Variants in SZRD1 observed in about 807,000 individuals in gnomAD.
The protein encoded by SZRD1 is SUZ RNA-binding domain-containing.
In SZRD1, 7 loss-of-function variants were observed where a neutral mutation model predicts 17.6. That is an observed-to-expected ratio of 0.40 (90% CI 0.23 to 0.75). The LOEUF (loss-of-function observed/expected upper bound fraction) is 0.75, where lower values mean the gene tolerates loss of function less well. Among genes scored for constraint, SZRD1 ranks in the 30% least tolerant of loss-of-function variants. SZRD1 has a pLI of 0.38. For synonymous variants in SZRD1, 77 were observed against 77.9 expected, an observed-to-expected ratio of 0.99 and a Z score of 0.06; for missense variants, 178 against 201.8, an observed-to-expected ratio of 0.88 and a Z score of 0.71.
Position 16,393,051 on chromosome 1 carries a change from T to G in SZRD1, c.102-177T>G, listed in dbSNP as rs1025858372. Among the ~76,000 whole-genome samples the G allele has an allele frequency of 1.3e-5, 2 of 152,140 alleles. No individual in the cohort carries two copies. The highest frequency in any genetic ancestry group is 4.8e-5 in the African/African-American group (2 of 41,428). On this transcript the variant is annotated intron_variant, in intron 2 of 3. Coordinates refer to ENST00000401088, the MANE Select transcript of SZRD1 (RefSeq NM_001114600.3). The surrounding 1 kb of genome is among the most constrained non-coding windows in gnomAD (Gnocchi z 5.6). ...CTGTCAGAGCTGGTCGCAAGCTTAC[T>G]TTTTTGGGACACCCTTCTTGAGGAG... is the stretch of plus-strand genomic sequence containing the variant.
At chr1:16,383,708 C>G (rs1326765530) in intron 1 of SZRD1, among the ~76,000 whole-genome samples, 1 of 150,042 alleles carries the variant, frequency 6.7e-6, no homozygotes, top group African/African-American at 2.5e-5. Flanking sequence ...CAACCTCTGC[C>G]TCCTGGGTTC....
At chr1:16,369,351 C>A in intron 1 of SZRD1, 1 of 836,134 alleles carries the variant, frequency 1.2e-6, no homozygotes. Context: ...CAATGGTCGC[C>A]ATCCCTCCAC....
rs896056565 is a variant in SZRD1 at position 16,385,592 on chromosome 1, A to C, written c.52-5783A>C. Among the ~76,000 whole-genome samples the C allele has an allele frequency of 3.3e-5, 5 of 152,096 alleles. 1 individual carries two copies. The highest frequency in any genetic ancestry group is 4.1e-4 in the South Asian group (2 of 4,822). On this transcript the variant is annotated intron_variant, in intron 1 of 3. Coordinates refer to ENST00000401088, the MANE Select transcript of SZRD1 (RefSeq NM_001114600.3). ...GTTACAGGAGTAAACCTACCACTGT[A>C]ATCTGCTTCACCTTACAGACACATC...
intron 1 of SZRD1, chr1:16,369,485 T>G: frequency 1.0e-6 from 1 of 974,880 alleles, no homozygotes; most frequent in Non-Finnish European, 1.6e-6. Flanking sequence ...AGAACCTGCT[T>G]CTTTTTTTTG....
intron 1 of SZRD1, chr1:16,387,913 A>G (rs1269791662): frequency 1.2e-5 from 4 of 345,368 alleles, no homozygotes; most frequent in South Asian, 2.2e-5. Flanking sequence ...CGTAGTGGAC[A>G]TAGATTCTGT....
intron 1 of SZRD1, among the ~76,000 whole-genome samples, chr1:16,379,429 G>A (rs747046483): frequency 6.6e-6 from 1 of 152,260 alleles, no homozygotes; most frequent in Non-Finnish European, 1.5e-5. Context: ...TCACTTACTA[G>A]TTGTGCATAG....
At chr1:16,372,118 TTTTC>T (rs2082924455) in intron 1 of SZRD1, among the ~76,000 whole-genome samples, 1 of 152,168 alleles carries the variant, frequency 6.6e-6, no homozygotes, top group Non-Finnish European at 1.5e-5. Context: ...ACTTTTTTCT[TTTTC>T]TTTTTCTTTT....
Position 16,395,322 on chromosome 1 carries a change from C to T in SZRD1, c.*182C>T. The T allele has an allele frequency of 1.6e-6, 1 of 637,580 alleles. No individual in the cohort carries two copies. Among genetic ancestry groups the T allele is most frequent in the Non-Finnish European group, 2.9e-6 (1 of 341,870 alleles). The allele number at this position is 637,580 out of a possible 1,614,324, so 39.5% of individuals were successfully genotyped here. A position where few individuals can be genotyped will look rare whatever the true frequency, so the allele number is the denominator to read the frequency against. On this transcript the variant is annotated 3_prime_UTR_variant, in exon 4 of 4. Transcript: ENST00000401088. ...GAACCCCATGCACTGTGACCTCCCC[C>T]CTTCTCCCCCTTCCCACTGTGATTG...
intron 3 of SZRD1, among the ~76,000 whole-genome samples, chr1:16,394,133 G>GAGGGGC (rs2085265131): frequency 6.6e-6 from 1 of 152,176 alleles, no homozygotes; most frequent in Non-Finnish European, 1.5e-5. Context: ...TTCTAACTTT[G>GAGGGGC]AGGGGCTGCT....
At chr1:16,371,116 C>G (rs757137827) in intron 1 of SZRD1, among the ~76,000 whole-genome samples, 3 of 152,196 alleles carry the variant, frequency 2.0e-5, no homozygotes, top group Non-Finnish European at 4.4e-5. Context: ...TGAAACTACA[C>G]AAAAATCCAG....
At chr1:16,382,035 G>GC (rs2083113298) in intron 1 of SZRD1, among the ~76,000 whole-genome samples, 1 of 152,216 alleles carries the variant, frequency 6.6e-6, no homozygotes, top group African/African-American at 2.4e-5. Flanking sequence ...GAACAGTGGG[G>GC]CCAATGTGGT....
chr1:16,394,980 G>C, intron 3 of SZRD1, 58 bp from the exon 4 acceptor site: 1 of 974,078 alleles, frequency 1.0e-6, no homozygotes, highest in Non-Finnish European at 1.6e-6. Context: ...ATAAAGAAAT[G>C]ATGGGGGACA....
intron 1 of SZRD1, among the ~76,000 whole-genome samples, chr1:16,373,592 AAAAC>A (rs1238356799): frequency 6.6e-6 from 1 of 151,744 alleles, no homozygotes; most frequent in Non-Finnish European, 1.5e-5. Flanking sequence ...AAAAAAAAAA[AAAAC>A]AAAACACGTT....
At chr1:16,379,759 GGT>G (rs1557625079) in intron 1 of SZRD1, among the ~76,000 whole-genome samples, 1 of 122,388 alleles carries the variant, frequency 8.2e-6, no homozygotes, top group Non-Finnish European at 1.8e-5. Flanking sequence ...GTTGATTTGG[GGT>G]TTTTTTTTTT....
At chr1:16,373,793 G>T (rs1258085653) in intron 1 of SZRD1, among the ~76,000 whole-genome samples, 1 of 151,988 alleles carries the variant, frequency 6.6e-6, no homozygotes, top group Non-Finnish European at 1.5e-5. Flanking sequence ...TGTAGAGACA[G>T]GGTCTCACCA....
Position 16,398,058 on chromosome 1 carries a change from T to C in SZRD1, c.*2918T>C, listed in dbSNP as rs1408526470. 13 of 884,322 alleles carry C rather than the reference T, an allele frequency of 1.5e-5. No homozygotes were observed. Among genetic ancestry groups the C allele is most frequent in the Non-Finnish European group, 1.8e-5 (13 of 737,786 alleles). The allele number at this position is 884,322 out of a possible 1,614,324, so 54.8% of individuals were successfully genotyped here. On this transcript the variant is annotated 3_prime_UTR_variant, in exon 4 of 4. Coordinates refer to ENST00000401088, the MANE Select transcript of SZRD1 (RefSeq NM_001114600.3). Reference sequence around the variant, plus strand: ...GCTGGTGTAGCGGGCAGCTGCCCACTCCCACCCCACCCTGCACCGCGGGCT... The same window carrying C: ...GCTGGTGTAGCGGGCAGCTGCCCACCCCCACCCCACCCTGCACCGCGGGCT...
chr1:16,375,953 AGTT>A (rs2082996866), intron 1 of SZRD1, among the ~76,000 whole-genome samples: 1 of 152,150 alleles, frequency 6.6e-6, no homozygotes, highest in South Asian at 2.1e-4. Flanking sequence ...TCTGCTATCT[AGTT>A]GTTCATCTCA....
Position 16,393,299 on chromosome 1 carries a change from C to T in SZRD1, c.173C>T (p.Pro58Leu). Residue 58 changes from proline to leucine, a missense_variant, in exon 3 of 4, where the codon CCA (proline) becomes CTA (leucine). Around this residue, in one of 3 missense-constraint regions of SZRD1, gnomAD observed 117 missense variants for 108.7 expected, o/e 1.08. Transcript: ENST00000401088. The surrounding 1 kb of genome is among the most constrained non-coding windows in gnomAD (Gnocchi z 5.6). ...QDDSLPAGPPPQIRILKRPTS... is the reference protein window; with the variant it reads ...QDDSLPAGPPLQIRILKRPTS... Reference sequence around the variant, plus strand: ...GATAGCCTTCCCGCGGGGCCCCCTCCACAGATCCGCATCCTCAAGAGGCCC... The same window carrying T: ...GATAGCCTTCCCGCGGGGCCCCCTCTACAGATCCGCATCCTCAAGAGGCCC... 2 of 1,614,218 alleles carry T rather than the reference C, an allele frequency of 1.2e-6. No individual in the cohort carries two copies. Among genetic ancestry groups the T allele is most frequent in the Non-Finnish European group, 1.7e-6 (2 of 1,180,034 alleles).
At chr1:16,390,291 G>A (rs2085201543) in intron 1 of SZRD1, among the ~76,000 whole-genome samples, 1 of 152,178 alleles carries the variant, frequency 6.6e-6, no homozygotes, top group Non-Finnish European at 1.5e-5. Flanking sequence ...ATGCTCACAC[G>A]CGTGTGTGGA....
Sources: allele counts gnomAD v4.1 joint callset (sites outside exome capture counted in the v4.1 genomes callset), GRCh38; gene constraint gnomAD v4.1.1; regional missense constraint gnomAD v4.1.1; non-coding constraint Gnocchi (gnomAD v3.1); transcripts MANE v1.5; gene names NCBI Gene and HGNC (gene_info 2026-07-23, HGNC 2026-07-21).